The following PTPRD variants were observed in gnomAD, a reference collection of about 807,000 sequenced individuals.
The protein encoded by PTPRD is protein tyrosine phosphatase receptor type D, also known as receptor-type tyrosine-protein phosphatase delta.
In PTPRD, 34 loss-of-function variants were observed where a neutral mutation model predicts 214.5. The observed-to-expected ratio is 0.16, with a 90% CI of 0.12 to 0.21. The LOEUF (loss-of-function observed/expected upper bound fraction) is 0.21. Ranked by LOEUF, PTPRD falls within the 10% of genes least tolerant of loss-of-function variation. PTPRD has a pLI of 1.00. For missense variants in PTPRD, 2,545 were observed against 2,398.7 expected (o/e 1.06, Z -1.27); for synonymous variants, 1,128 against 845.7 (o/e 1.33, Z -5.79).
intron 10 of PTPRD, among the ~76,000 whole-genome samples, chr9:9,138,700 T>C (rs2099854991): frequency 6.6e-6 from 1 of 152,212 alleles, no homozygotes; most frequent in African/African-American, 2.4e-5. Flanking sequence ...GAGCAGTAAT[T>C]TAATTTATGC....
At chr9:8,408,180 C>T in intron 35 of PTPRD, among the ~76,000 whole-genome samples, 1 of 152,294 alleles carries the variant, frequency 6.6e-6, no homozygotes, top group Admixed American at 6.5e-5. Flanking sequence ...TAAAAGTTGA[C>T]TTTCACTTCA....
At chr9:10,043,663 C>G (rs958314808) in intron 3 of PTPRD, among the ~76,000 whole-genome samples, 1 of 151,710 alleles carries the variant, frequency 6.6e-6, no homozygotes, top group African/African-American at 2.4e-5. Flanking sequence ...GATGATGGTT[C>G]ACACCTAAAG....
chr9:9,296,524 A>ATTCC (rs1276241440), intron 9 of PTPRD, among the ~76,000 whole-genome samples: 4 of 151,810 alleles, frequency 2.6e-5, no homozygotes, highest in Non-Finnish European at 1.5e-5. Context: ...ATGATCATTT[A>ATTCC]TTCCTCCTCC....
rs377311239 is a variant in PTPRD at position 8,633,389 on chromosome 9, C to T, written c.280G>A (p.Ala94Thr). 3 of 1,612,758 alleles carry T rather than the reference C, an allele frequency of 1.9e-6. No homozygotes were observed. In the African/African-American group the frequency reaches 4.0e-5, roughly 22 times the overall value. ...IQPLRTPRDE[A>T]IYECVASNNV... ...TTTGAGGCCACACATTCATAAATGG[C>T]CTCATCCCTCGGAGTCCGTAAGGGT... Residue 94 changes from alanine (A) to threonine (T), a missense_variant, in exon 14 of 46, where the codon GCC becomes ACC. Coordinates refer to ENST00000381196, the MANE Select transcript of PTPRD (RefSeq NM_002839.4).
At chr9:9,189,384 T>G (rs1019948775) in intron 9 of PTPRD, among the ~76,000 whole-genome samples, 2 of 152,088 alleles carry the variant, frequency 1.3e-5, no homozygotes, top group Non-Finnish European at 2.9e-5. Context: ...CTAGGCCTTT[T>G]AATCCGGAAG....
chr9:8,813,433 C>T (rs2096856176), intron 11 of PTPRD, among the ~76,000 whole-genome samples: 1 of 152,176 alleles, frequency 6.6e-6, no homozygotes, highest in African/African-American at 2.4e-5. Flanking sequence ...CTAACGTTTA[C>T]CACAGCTCAC....
At chr9:10,078,519 A>C (rs1358318552) in intron 3 of PTPRD, among the ~76,000 whole-genome samples, 3 of 149,138 alleles carry the variant, frequency 2.0e-5, no homozygotes, top group African/African-American at 7.3e-5. Context: ...CCATCTAAAA[A>C]AAAAAAAAAA....
chr9:8,830,488 G>C (rs1210388187), intron 11 of PTPRD, among the ~76,000 whole-genome samples: 1 of 152,022 alleles, frequency 6.6e-6, no homozygotes, highest in Non-Finnish European at 1.5e-5. Flanking sequence ...GTGGAGAATG[G>C]GCTTCAGTCA....
chr9:9,341,878 G>A (rs560165509), intron 9 of PTPRD, among the ~76,000 whole-genome samples: 30 of 152,078 alleles, frequency 2.0e-4, no homozygotes, highest in African/African-American at 7.0e-4. Flanking sequence ...TCGCAATCTC[G>A]ACTCACAGCA....
intron 7 of PTPRD, among the ~76,000 whole-genome samples, chr9:9,587,159 T>A (rs1472470549): frequency 6.6e-6 from 1 of 151,988 alleles, no homozygotes; most frequent in East Asian, 1.9e-4. Context: ...ACTTCAGGCT[T>A]CTACTATTTT....
chr9:10,196,156 T>C (rs1280994841), intron 3 of PTPRD, among the ~76,000 whole-genome samples: 1 of 152,192 alleles, frequency 6.6e-6, no homozygotes, highest in Admixed American at 6.6e-5. Flanking sequence ...GCATGGACTT[T>C]ATTGTACATA....
intron 4 of PTPRD, among the ~76,000 whole-genome samples, chr9:10,030,762 G>T (rs2097048451): frequency 6.6e-6 from 1 of 152,136 alleles, no homozygotes; most frequent in African/African-American, 2.4e-5. Flanking sequence ...ACTGCCCATG[G>T]ATTATTTAGT....
At chr9:10,594,754 T>C (rs2076243944) in intron 2 of PTPRD, among the ~76,000 whole-genome samples, 1 of 151,976 alleles carries the variant, frequency 6.6e-6, no homozygotes, top group African/African-American at 2.4e-5. Flanking sequence ...ACAAGAAATC[T>C]ACTGGTTCAA....
chr9:9,404,666 T>C (rs894431683), intron 8 of PTPRD, among the ~76,000 whole-genome samples: 6 of 152,012 alleles, frequency 3.9e-5, no homozygotes, highest in African/African-American at 1.2e-4. Context: ...AAGTAGGAAG[T>C]TGGATGCGGA....
intron 3 of PTPRD, among the ~76,000 whole-genome samples, chr9:10,208,470 C>T (rs1240568925): frequency 2.0e-5 from 3 of 152,154 alleles, no homozygotes; most frequent in Admixed American, 1.3e-4. Flanking sequence ...ACGGAGATCG[C>T]GCCACTGCAC....
intron 10 of PTPRD, among the ~76,000 whole-genome samples, chr9:9,111,339 G>A (rs572601991): frequency 7.1e-6 from 1 of 141,620 alleles, no homozygotes; most frequent in Non-Finnish European, 1.5e-5. Flanking sequence ...ACTGTTCAAT[G>A]ATCACCTTAT....
chr9:10,215,876 A>G (rs571903005), intron 3 of PTPRD, among the ~76,000 whole-genome samples: 1 of 151,996 alleles, frequency 6.6e-6, no homozygotes, highest in Non-Finnish European at 1.5e-5. Context: ...TTATGATGCT[A>G]TTTATAAGAT....
At chr9:8,352,768 A>C (rs991091046) in intron 39 of PTPRD, among the ~76,000 whole-genome samples, 1 of 152,150 alleles carries the variant, frequency 6.6e-6, no homozygotes, top group African/African-American at 2.4e-5. Flanking sequence ...CACAGACAAG[A>C]TTTTACTATG....
intron 10 of PTPRD, among the ~76,000 whole-genome samples, chr9:9,029,144 C>T (rs1227261861): frequency 6.6e-6 from 1 of 151,728 alleles, no homozygotes; most frequent in Non-Finnish European, 1.5e-5. Flanking sequence ...GTAAATATAA[C>T]AATATTATTA....
Sources: gnomAD v4.1 joint callset for allele counts (sites outside exome capture counted in the v4.1 genomes callset) on GRCh38, gnomAD v4.1.1 for gene constraint, MANE v1.5 for transcripts, NCBI Gene and HGNC (gene_info 2026-07-23, HGNC 2026-07-21) for gene names.